The following ADAM28 variants were observed in gnomAD, a reference collection of about 807,000 sequenced individuals.
ADAM28 encodes disintegrin and metalloproteinase domain-containing protein 28.
A neutral mutation model predicts 101.2 loss-of-function variants in ADAM28; 105 were observed. The observed-to-expected ratio is 1.04, with a 90% CI of 0.89 to 1.22. ADAM28 has a LOEUF of 1.22. Among genes scored for constraint, ADAM28 ranks in the 50% most tolerant of loss-of-function variants. ADAM28 has a pLI of 0.00. For missense variants in ADAM28, 1,028 were observed against 945.4 expected, an observed-to-expected ratio of 1.09 and a Z score of -1.15; for synonymous variants, 322 against 310.6, an observed-to-expected ratio of 1.04 and a Z score of -0.39.
At chr8:24,315,913 G>A (rs2129277135) in intron 6 of ADAM28, among the ~76,000 whole-genome samples, 1 of 151,952 alleles carries the variant, frequency 6.6e-6, no homozygotes, top group East Asian at 1.9e-4. Context: ...AAAAATACAT[G>A]ATCATATCAA....
At chr8:24,326,484 TG>T in intron 9 of ADAM28, 69 bp from the exon 10 acceptor site, 1 of 1,411,038 alleles carries the variant, frequency 7.1e-7, no homozygotes, top group South Asian at 1.2e-5. Flanking sequence ...TTTAGGGTTT[TG>T]GATGTATTGT....
intron 2 of ADAM28, among the ~76,000 whole-genome samples, chr8:24,306,112 T>C (rs1809572584): frequency 3.3e-5 from 5 of 151,432 alleles, no homozygotes; most frequent in Admixed American, 3.3e-4. Flanking sequence ...CCGAGGCGGG[T>C]GGATGACGAG....
chr8:24,351,334 G>A (rs7009516), intron 20 of ADAM28, 24 bp downstream of exon 20: 802,110 of 1,605,052 alleles, frequency 0.5, 202,823 homozygotes, highest in East Asian at 0.65. Context: ...TCTGGGCTGT[G>A]ATTACCATGG....
chr8:24,336,255 G>C (rs531271329), intron 14 of ADAM28: 353 of 839,048 alleles, frequency 4.2e-4, no homozygotes, highest in Non-Finnish European at 4.9e-4. Context: ...AGTTTAAAGA[G>C]ATATCCGAAA....
At chr8:24,312,084 T>C (rs1488975547) in intron 5 of ADAM28, among the ~76,000 whole-genome samples, 3 of 152,144 alleles carry the variant, frequency 2.0e-5, no homozygotes, top group African/African-American at 7.2e-5. Flanking sequence ...CTAGATTGCC[T>C]TATCCATGAC....
chr8:24,346,753 C>T (rs1180145592), intron 18 of ADAM28, among the ~76,000 whole-genome samples: 1 of 152,098 alleles, frequency 6.6e-6, no homozygotes, highest in Non-Finnish European at 1.5e-5. Context: ...CAGACATCTG[C>T]TTTCCTGCCT....
intron 15 of ADAM28, among the ~76,000 whole-genome samples, chr8:24,340,043 T>C (rs1000659540): frequency 6.6e-6 from 1 of 152,204 alleles, no homozygotes; most frequent in African/African-American, 2.4e-5. Context: ...AAATACAATA[T>C]GAAAATATTG....
intron 5 of ADAM28, 65 bp downstream of exon 5, chr8:24,311,502 C>A: frequency 1.6e-6 from 2 of 1,223,272 alleles, no homozygotes; most frequent in African/African-American, 1.5e-5. Context: ...ATCTAACCAA[C>A]CAGATGAATC....
intron 9 of ADAM28, among the ~76,000 whole-genome samples, chr8:24,325,671 T>C (rs1469519518): frequency 1.3e-5 from 2 of 151,498 alleles, no homozygotes; most frequent in African/African-American, 4.8e-5. Context: ...AGATAAAATC[T>C]GCAGGGAATG....
At chr8:24,331,424 T>G in intron 12 of ADAM28, 97 bp downstream of exon 12, 1 of 1,260,948 alleles carries the variant, frequency 7.9e-7, no homozygotes, top group Non-Finnish European at 1.1e-6. Context: ...ACATTATAGG[T>G]TTTTTGGGTA....
rs1455759165 is a variant in ADAM28, at chr8:24,354,569, T to C, written c.*165T>C. ...ACTTTGAAGAGACTAAAGAAAATTTTCAAGAGGAACATATGCCTGAGAACC... is the reference window on the plus strand; with the variant it reads ...ACTTTGAAGAGACTAAAGAAAATTTCCAAGAGGAACATATGCCTGAGAACC... On this transcript the variant is annotated 3_prime_UTR_variant, in exon 23 of 23. Coordinates refer to ENST00000265769, the MANE Select transcript of ADAM28 (RefSeq NM_014265.6). 1 of 711,010 alleles carries C rather than the reference T, an allele frequency of 1.4e-6. No individual in the cohort carries two copies. Among genetic ancestry groups the C allele is most frequent in the Non-Finnish European group, 2.2e-6 (1 of 462,596 alleles). The allele number at this position is 711,010 out of a possible 1,614,324, so 44.0% of individuals were successfully genotyped here.
chr8:24,341,869 G>T, intron 16 of ADAM28, 112 bp downstream of exon 16: 3 of 1,351,908 alleles, frequency 2.2e-6, no homozygotes, highest in Non-Finnish European at 3.1e-6. Flanking sequence ...TTTGGGGTTC[G>T]CCATGCCTTA....
chr8:24,353,862 T>A, intron 22 of ADAM28, 30 bp downstream of exon 22: 2 of 1,412,536 alleles, frequency 1.4e-6, no homozygotes, highest in Non-Finnish European at 2.0e-6. Flanking sequence ...ATTATTATAT[T>A]CTTGTATTAT....
At position 24,300,095 on chromosome 8, in the gene ADAM28, T is replaced by C. The variant is rs1189529524; in HGVS notation, c.150+18T>C. On this transcript the variant is annotated intron_variant, in intron 2 of 22. Coordinates refer to ENST00000265769, the MANE Select transcript of ADAM28 (RefSeq NM_014265.6). ...AGCAACAGGTACAGCTTTTGATTTATCAAAGGATCTTGATTTGAGATACAT... is the reference window on the plus strand; with the variant it reads ...AGCAACAGGTACAGCTTTTGATTTACCAAAGGATCTTGATTTGAGATACAT... 1.9e-6 allele frequency: 3 copies of C among 1,592,824 alleles called. No individual in the cohort carries two copies. The highest frequency in any genetic ancestry group is 2.6e-6 in the Non-Finnish European group (3 of 1,165,564).
intron 15 of ADAM28, 192 bp from the exon 16 acceptor site, chr8:24,341,402 CTGTT>C: frequency 1.8e-6 from 1 of 561,388 alleles, no homozygotes; most frequent in Admixed American, 3.7e-5. Context: ...CTAGGTAATA[CTGTT>C]TATTTGAGCA....
chr8:24,321,257 A>C lies in ADAM28; in HGVS notation c.688A>C (p.Arg230=). The C allele has an allele frequency of 6.2e-7, 1 of 1,607,770 alleles. No homozygotes were observed. The highest frequency in any genetic ancestry group is 8.5e-7 in the Non-Finnish European group (1 of 1,174,876). Residue 230 remains arginine, a synonymous_variant, in exon 8 of 23, where the codon AGG becomes CGG. Transcript: ENST00000265769. ...YNENQDEIRK[R]VFEMANYVNM... is the part of the protein sequence containing the mutation. The stretch of plus-strand genomic sequence containing the variant: ...TGAGAATCAAGATGAGATCAGAAAG[A>C]GGGTATTTGAGATGGCTAATTATGT...
At chr8:24,344,026 T>G (rs994077541) in intron 18 of ADAM28, among the ~76,000 whole-genome samples, 2 of 152,216 alleles carry the variant, frequency 1.3e-5, no homozygotes, top group Non-Finnish European at 2.9e-5. Flanking sequence ...TTGTACTAGT[T>G]TTCTTCAGGA....
chr8:24,299,803 T>A (rs1808462212), intron 1 of ADAM28, 171 bp from the exon 2 acceptor site: 1 of 497,398 alleles, frequency 2.0e-6, no homozygotes, highest in African/African-American at 1.9e-5. Flanking sequence ...AAAGAGTAGC[T>A]TTCTGAGGTT....
chr8:24,317,499 G>A (rs745376112), intron 6 of ADAM28, among the ~76,000 whole-genome samples: 1 of 151,784 alleles, frequency 6.6e-6, no homozygotes, highest in Non-Finnish European at 1.5e-5. Flanking sequence ...TTATGAAATC[G>A]AACCCTTTTC....
Sources: allele counts gnomAD v4.1 joint callset (sites outside exome capture counted in the v4.1 genomes callset), GRCh38; gene constraint gnomAD v4.1.1; transcripts MANE v1.5; gene names NCBI Gene and HGNC (gene_info 2026-07-23, HGNC 2026-07-21).